Variants in MAGI1 observed in about 807,000 individuals in gnomAD.
The protein encoded by MAGI1 is membrane-associated guanylate kinase, WW and PDZ domain-containing protein 1.
In MAGI1, 58 loss-of-function variants were observed where a neutral mutation model predicts 139.9. The ratio of observed to expected loss-of-function variants is 0.41; its 90% CI spans 0.34 to 0.52. The LOEUF (loss-of-function observed/expected upper bound fraction) is 0.52, where lower values mean the gene tolerates loss of function less well. Among genes scored for constraint, MAGI1 ranks in the 20% least tolerant of loss-of-function variants. MAGI1 has a pLI of 0.12. For synonymous variants in MAGI1, 812 were observed against 737.9 expected (o/e 1.10, Z -1.63); for missense variants, 1,874 against 1,901.6 (o/e 0.99, Z 0.27).
At chr3:65,936,954 ATGG>A (rs1191208437) in intron 1 of MAGI1, among the ~76,000 whole-genome samples, 2 of 148,342 alleles carry the variant, frequency 1.3e-5, no homozygotes, top group Admixed American at 6.7e-5. Context: ...GGTGATGGTG[ATGG>A]TGGTGGTGGT....
At chr3:65,557,769 G>A (rs1027594922) in intron 2 of MAGI1, among the ~76,000 whole-genome samples, 1 of 152,128 alleles carries the variant, frequency 6.6e-6, no homozygotes, top group Admixed American at 6.5e-5. Context: ...AACATTAGGT[G>A]GGTGAATTAA....
intron 1 of MAGI1, among the ~76,000 whole-genome samples, chr3:65,811,988 A>G (rs1056144577): frequency 2.0e-5 from 3 of 151,966 alleles, no homozygotes; most frequent in African/African-American, 4.8e-5. Flanking sequence ...TCGCAGCTAT[A>G]AACACAAAAC....
intron 1 of MAGI1, among the ~76,000 whole-genome samples, chr3:65,855,231 G>T (rs1024013365): frequency 1.3e-5 from 2 of 151,798 alleles, no homozygotes; most frequent in African/African-American, 4.8e-5. Context: ...AGAAAAAAAG[G>T]CCTGTGAAAT....
intron 2 of MAGI1, among the ~76,000 whole-genome samples, chr3:65,535,321 C>G (rs867186750): frequency 2.6e-5 from 4 of 152,150 alleles, no homozygotes; most frequent in Admixed American, 2.0e-4. Flanking sequence ...GCTTAACAAC[C>G]TCACTCTCCT....
intron 2 of MAGI1, among the ~76,000 whole-genome samples, chr3:65,509,352 G>A (rs1259364353): frequency 3.3e-5 from 5 of 152,304 alleles, no homozygotes; most frequent in East Asian, 3.9e-4. Context: ...CAGCGTGAGC[G>A]ACGCAGAAGA....
chr3:65,954,197 A>G (rs1456430489), intron 1 of MAGI1, among the ~76,000 whole-genome samples: 4 of 152,144 alleles, frequency 2.6e-5, no homozygotes, highest in Non-Finnish European at 4.4e-5. Context: ...ATAAGAAAAT[A>G]TTTTCAAGAT....
chr3:65,973,085 G>A (rs1233942676), intron 1 of MAGI1, among the ~76,000 whole-genome samples: 1 of 152,102 alleles, frequency 6.6e-6, no homozygotes, highest in Non-Finnish European at 1.5e-5. Flanking sequence ...AGGAGTTGGA[G>A]GCTGCAGTGA....
chr3:65,532,033 T>C (rs1022007416), intron 2 of MAGI1, among the ~76,000 whole-genome samples: 2 of 152,124 alleles, frequency 1.3e-5, no homozygotes, highest in African/African-American at 4.8e-5. Context: ...CCCACCACCA[T>C]CATCAATTCC....
At chr3:65,598,821 C>G (rs2082351309) in intron 2 of MAGI1, among the ~76,000 whole-genome samples, 1 of 152,190 alleles carries the variant, frequency 6.6e-6, no homozygotes, top group African/African-American at 2.4e-5. Context: ...CACCTCCACC[C>G]TGTTTCTTTT....
At chr3:65,842,504 G>A (rs1191957404) in intron 1 of MAGI1, among the ~76,000 whole-genome samples, 1 of 152,030 alleles carries the variant, frequency 6.6e-6, no homozygotes, top group East Asian at 1.9e-4. Context: ...TGGGATTATA[G>A]GCATGTGCCA....
Position 65,650,829 on chromosome 3 carries a change from G to A in MAGI1, c.314-28741C>T, listed in dbSNP as rs547967590. On this transcript the variant is annotated intron_variant, in intron 1 of 22. Transcript: ENST00000402939. Reference sequence around the variant, plus strand: ...GGTGATAAGAATGCAATTAAAGTATGAGAGGCATTGACATAAACTACTATA... The same window carrying A: ...GGTGATAAGAATGCAATTAAAGTATAAGAGGCATTGACATAAACTACTATA... Among the ~76,000 whole-genome samples the A allele has an allele frequency of 3.3e-5, 5 of 152,304 alleles. 1 individual carries two copies. In the South Asian group the frequency reaches 1.0e-3, roughly 32 times the overall value.
chr3:65,728,851 T>C (rs973640455), intron 1 of MAGI1, among the ~76,000 whole-genome samples: 1 of 152,180 alleles, frequency 6.6e-6, no homozygotes, highest in African/African-American at 2.4e-5. Context: ...CTTGAGTGTG[T>C]AATGAAGCCA....
chr3:65,442,718 G>T, intron 8 of MAGI1, 74 bp downstream of exon 8: 1 of 1,066,098 alleles, frequency 9.4e-7, no homozygotes, highest in Non-Finnish European at 1.4e-6. Context: ...AATGATGTCA[G>T]GCTGTACTTA....
At chr3:65,821,309 A>G (rs1334385344) in intron 1 of MAGI1, among the ~76,000 whole-genome samples, 3 of 152,068 alleles carry the variant, frequency 2.0e-5, no homozygotes. Flanking sequence ...GCCCTGTTTC[A>G]GGCCCCGAGG....
chr3:65,934,668 C>T (rs550758652), intron 1 of MAGI1, among the ~76,000 whole-genome samples: 6 of 145,940 alleles, frequency 4.1e-5, no homozygotes, highest in South Asian at 4.4e-4. Context: ...TGGTGCAGTA[C>T]ATTTAAGAAA....
chr3:65,762,219 A>G (rs2037090513), intron 1 of MAGI1, among the ~76,000 whole-genome samples: 1 of 152,196 alleles, frequency 6.6e-6, no homozygotes, highest in African/African-American at 2.4e-5. Context: ...TTCCCCCTCC[A>G]ACGAGAATCA....
chr3:65,419,253 T>C (rs1173437914), intron 12 of MAGI1, among the ~76,000 whole-genome samples: 1 of 61,166 alleles, frequency 1.6e-5, no homozygotes, highest in Non-Finnish European at 2.8e-5. Context: ...CACAAGTGTA[T>C]GAATGTGTTA....
intron 1 of MAGI1, among the ~76,000 whole-genome samples, chr3:65,785,816 A>G (rs559207776): frequency 6.6e-6 from 1 of 152,308 alleles, no homozygotes; most frequent in Admixed American, 6.5e-5. Flanking sequence ...AAACATCACA[A>G]TCATTTCACT....
At chr3:65,501,630 T>A (rs142321999) in intron 2 of MAGI1, among the ~76,000 whole-genome samples, 154 of 152,226 alleles carry the variant, frequency 1.0e-3, no homozygotes, top group African/African-American at 3.6e-3. Flanking sequence ...TACAACCATT[T>A]GGGGAAAGAG....
Sources: allele counts gnomAD v4.1 joint callset (sites outside exome capture counted in the v4.1 genomes callset), GRCh38; gene constraint gnomAD v4.1.1; transcripts MANE v1.5; gene names NCBI Gene and HGNC (gene_info 2026-07-23, HGNC 2026-07-21).